CYP27A1: variants seen among roughly 807,000 people sequenced by gnomAD.
CYP27A1 encodes the protein cytochrome P450 family 27 subfamily A member 1.
In CYP27A1, 46 loss-of-function variants were observed where a neutral mutation model predicts 58.2. That is an observed-to-expected ratio of 0.79 (90% CI 0.62 to 1.01). The LOEUF (loss-of-function observed/expected upper bound fraction) is 1.01. Ranked by LOEUF, CYP27A1 falls within the 50% of genes least tolerant of loss-of-function variation. CYP27A1 has a pLI of 0.00. For synonymous variants in CYP27A1, 274 were observed against 285.1 expected (o/e 0.96, Z 0.39); for missense variants, 704 against 687.0 (o/e 1.02, Z -0.28).
Position 218,814,119 on chromosome 2 carries a change from G to C in CYP27A1, c.1116G>C (p.Gly372=), listed in dbSNP as rs1943755876. The C allele has an allele frequency of 4.3e-6, 7 of 1,614,258 alleles. No individual in the cohort carries two copies. Among genetic ancestry groups the C allele is most frequent in the Non-Finnish European group, 5.9e-6 (7 of 1,180,054 alleles). Residue 372 remains glycine, a synonymous_variant, in exon 6 of 9, where the codon GGG becomes GGC. Transcript: ENST00000258415. ...HEEVVGVVPA[G]QVPQHKDFAH... is the part of the protein sequence containing the mutation. ...AAGTGGTGGGTGTGGTGCCAGCCGG[G>C]CAAGTGCCCCAGCACAAGGACTTTG...
At chr2:218,812,823 C>T in intron 4 of CYP27A1, 74 bp downstream of exon 4, 1 of 1,606,096 alleles carries the variant, frequency 6.2e-7, no homozygotes, top group Non-Finnish European at 8.5e-7. Flanking sequence ...CGGTCTCTCC[C>T]AGGCCTTTTC....
intron 1 of CYP27A1, among the ~76,000 whole-genome samples, chr2:218,800,998 A>AT (rs1289966639): frequency 6.6e-6 from 1 of 152,186 alleles, no homozygotes; most frequent in Non-Finnish European, 1.5e-5. Context: ...ATACTTTTAG[A>AT]TTTTTTATGT....
chr2:218,792,876 T>C (rs1455242597), intron 1 of CYP27A1, among the ~76,000 whole-genome samples: 1 of 152,214 alleles, frequency 6.6e-6, no homozygotes, highest in African/African-American at 2.4e-5. Context: ...TTTACCTCTC[T>C]TTTGGATGCT....
At chr2:218,785,834 A>G (rs1943435773) in intron 1 of CYP27A1, among the ~76,000 whole-genome samples, 1 of 152,134 alleles carries the variant, frequency 6.6e-6, no homozygotes, top group Non-Finnish European at 1.5e-5. Context: ...AAAATTAGAG[A>G]ATGTGTTTCA....
intron 2 of CYP27A1, among the ~76,000 whole-genome samples, chr2:218,810,341 G>T (rs1943699466): frequency 6.6e-6 from 1 of 152,108 alleles, no homozygotes; most frequent in African/African-American, 2.4e-5. Context: ...GATTTAGGTT[G>T]CAGGTTTTCA....
At chr2:218,799,461 C>T (rs1256594952) in intron 1 of CYP27A1, among the ~76,000 whole-genome samples, 3 of 152,160 alleles carry the variant, frequency 2.0e-5, no homozygotes, top group South Asian at 2.1e-4. Context: ...CAAACAACCT[C>T]GGGATGCGGC....
At chr2:218,814,332 G>C in intron 6 of CYP27A1, 48 bp from the exon 7 acceptor site, 1 of 1,604,464 alleles carries the variant, frequency 6.2e-7, no homozygotes, top group Non-Finnish European at 8.5e-7. Context: ...GGGGCACTTT[G>C]TACCCCCATG....
rs1575207079 is a variant in CYP27A1, at chr2:218,814,777, T to C, written c.1476+20T>C. On this transcript the variant is annotated intron_variant, in intron 8 of 8. Coordinates refer to ENST00000258415, the MANE Select transcript of CYP27A1 (RefSeq NM_000784.4). Reference sequence around the variant, plus strand: ...GCAAGGGTGAGCTGGGAGAGGCTAGTAGGGTGTGTGGGCAGGGAGGGGTGG... The same window carrying C: ...GCAAGGGTGAGCTGGGAGAGGCTAGCAGGGTGTGTGGGCAGGGAGGGGTGG... 3.1e-6 allele frequency: 5 copies of C among 1,613,450 alleles called. No individual in the cohort carries two copies. The highest frequency in any genetic ancestry group is 4.2e-6 in the Non-Finnish European group (5 of 1,179,754).
intron 1 of CYP27A1, among the ~76,000 whole-genome samples, chr2:218,795,985 A>G (rs977133394): frequency 4.6e-5 from 7 of 152,190 alleles, no homozygotes; most frequent in Admixed American, 4.6e-4. Context: ...ATCCTTAAAT[A>G]CCTGTGAGTT....
At chr2:218,792,521 T>A (rs1943503763) in intron 1 of CYP27A1, among the ~76,000 whole-genome samples, 2 of 152,204 alleles carry the variant, frequency 1.3e-5, no homozygotes, top group African/African-American at 4.8e-5. Context: ...TTTAAAATAA[T>A]TCAAGAGTGC....
intron 1 of CYP27A1, among the ~76,000 whole-genome samples, chr2:218,791,183 A>T (rs1470992993): frequency 2.0e-5 from 3 of 152,222 alleles, no homozygotes; most frequent in Non-Finnish European, 2.9e-5. Context: ...AACCATGGAA[A>T]AAAGGACCTA....
chr2:218,783,167 G>A (rs2106479423), intron 1 of CYP27A1, among the ~76,000 whole-genome samples: 1 of 144,786 alleles, frequency 6.9e-6, no homozygotes, highest in South Asian at 2.2e-4. Flanking sequence ...TGAGGTAGGA[G>A]AATCGCTTGA....
intron 1 of CYP27A1, among the ~76,000 whole-genome samples, chr2:218,809,068 C>T (rs1263421332): frequency 6.6e-6 from 1 of 152,122 alleles, no homozygotes; most frequent in Non-Finnish European, 1.5e-5. Context: ...CTGACTTTCT[C>T]ATCCAGCTTA....
rs1943404427 is a variant in CYP27A1 at position 218,782,677 on chromosome 2, G to T, written c.255+240G>T. On this transcript the variant is annotated intron_variant, in intron 1 of 8. Coordinates refer to ENST00000258415, the MANE Select transcript of CYP27A1 (RefSeq NM_000784.4). This position sits in a 1 kb window ranked among gnomAD's most constrained non-coding sequence, Gnocchi z 4.1. ...ATCAGGACGGCACCAGTAAGGGGGG[G>T]ATCTGGACGCCGGACTTACAGTGAG... Among the ~76,000 whole-genome samples, 1 of 152,198 alleles carries T rather than the reference G, an allele frequency of 6.6e-6. No homozygotes were observed. The highest frequency in any genetic ancestry group is 1.5e-5 in the Non-Finnish European group (1 of 68,032).
At chr2:218,789,499 C>T (rs1359898458) in intron 1 of CYP27A1, among the ~76,000 whole-genome samples, 1 of 152,146 alleles carries the variant, frequency 6.6e-6, no homozygotes, top group African/African-American at 2.4e-5. Context: ...CAGAAACAGC[C>T]GGATTGATTA....
chr2:218,813,107 G>A lies in CYP27A1; in HGVS notation c.1017+11G>A, dbSNP rs766039123. On this transcript the variant is annotated intron_variant, in intron 5 of 8. Coordinates refer to ENST00000258415, the MANE Select transcript of CYP27A1 (RefSeq NM_000784.4). ...GCTGGAGTGGACACGGTGCGTGAAG[G>A]GGGAGGGTGAGACCAGGGGCCCCCA... 2.5e-6 allele frequency: 4 copies of A among 1,602,580 alleles called. No homozygotes were observed. The highest frequency in any genetic ancestry group is 1.8e-4 in the Middle Eastern group (1 of 5,640).
At chr2:218,792,023 CA>C (rs996291095) in intron 1 of CYP27A1, among the ~76,000 whole-genome samples, 122 of 151,938 alleles carry the variant, frequency 8.0e-4, no homozygotes, top group African/African-American at 2.8e-3. Context: ...TTTGACAAAC[CA>C]AATATTGGTC....
At chr2:218,802,471 C>T (rs13013663) in intron 1 of CYP27A1, among the ~76,000 whole-genome samples, 2 of 152,150 alleles carry the variant, frequency 1.3e-5, no homozygotes, top group African/African-American at 2.4e-5. Context: ...AGCTTTGATT[C>T]TCAGGATGCA....
intron 1 of CYP27A1, among the ~76,000 whole-genome samples, chr2:218,796,891 G>T (rs115624851): frequency 6.6e-6 from 1 of 152,012 alleles, no homozygotes; most frequent in Non-Finnish European, 1.5e-5. Context: ...TTCCAATGTC[G>T]CAATATCCAA....
Sources: allele counts gnomAD v4.1 joint callset (sites outside exome capture counted in the v4.1 genomes callset), GRCh38; gene constraint gnomAD v4.1.1; non-coding constraint Gnocchi (gnomAD v3.1); transcripts MANE v1.5; gene names NCBI Gene and HGNC (gene_info 2026-07-23, HGNC 2026-07-21).